Variants in XRRA1 observed in about 807,000 individuals in gnomAD.
The protein encoded by XRRA1 is X-ray radiation resistance-associated protein 1.
Under a neutral mutation model 80.2 loss-of-function variants are expected in XRRA1, and 69 were observed. That is an observed-to-expected ratio of 0.86 (90% CI 0.71 to 1.05). The LOEUF (loss-of-function observed/expected upper bound fraction) is 1.05, where lower values mean the gene tolerates loss of function less well. Among genes scored for constraint, XRRA1 ranks in the 50% least tolerant of loss-of-function variants. The probability of loss-of-function intolerance (pLI) is 0.00; values close to 1 mark genes in which losing one functional copy is unlikely to be tolerated. For synonymous variants in XRRA1, 348 were observed against 389.9 expected, an observed-to-expected ratio of 0.89 and a Z score of 1.27; for missense variants, 967 against 976.4, an observed-to-expected ratio of 0.99 and a Z score of 0.13.
At chr11:74,927,360 G>T in intron 7 of XRRA1, 31 bp downstream of exon 7, 1 of 1,325,764 alleles carries the variant, frequency 7.5e-7, no homozygotes, top group South Asian at 1.2e-5. Context: ...GGAACTTGGT[G>T]GGCACCAAAA....
At chr11:74,862,592 A>G (rs2042539276) in intron 11 of XRRA1, among the ~76,000 whole-genome samples, 1 of 152,218 alleles carries the variant, frequency 6.6e-6, no homozygotes, top group Non-Finnish European at 1.5e-5. Context: ...TCTGGCAAGG[A>G]CTTTTCCAGC....
At chr11:74,946,440 A>AT (rs1947541530) in intron 1 of XRRA1, among the ~76,000 whole-genome samples, 1 of 152,124 alleles carries the variant, frequency 6.6e-6, no homozygotes, top group Non-Finnish European at 1.5e-5. Flanking sequence ...ATGGTTTTAT[A>AT]ACTGACAGTT....
chr11:74,847,257 G>C (rs1490248116), intron 15 of XRRA1, among the ~76,000 whole-genome samples: 1 of 152,150 alleles, frequency 6.6e-6, no homozygotes, highest in Non-Finnish European at 1.5e-5. Context: ...TGGAGAGTTA[G>C]ACCTCCATGA....
At chr11:74,906,554 G>T in intron 9 of XRRA1, 98 bp from the exon 10 acceptor site, 4 of 1,346,938 alleles carry the variant, frequency 3.0e-6, no homozygotes, top group Non-Finnish European at 4.0e-6. Context: ...ATCAGGCTTG[G>T]ATACTTATTC....
At position 74,865,149 on chromosome 11, in the gene XRRA1, GGGCCCAGTGTCAGCCCT is replaced by G. The variant is rs1327987807; in HGVS notation, c.1004-2145_1004-2129del. ...CTTCTTCCCATATCAAATCCCAGCG[GGGCCCAGTGTCAGCCCT>G]GGCCCCTCCTGCTGCAATCAGGTTA... is the stretch of plus-strand genomic sequence containing the variant. On this transcript the variant is annotated intron_variant, in intron 10 of 18. Coordinates refer to ENST00000684022, the MANE Select transcript of XRRA1 (RefSeq NM_001378157.1). Among the ~76,000 whole-genome samples the G allele has an allele frequency of 2.6e-5, 4 of 151,938 alleles. 1 individual carries two copies. The highest frequency in any genetic ancestry group is 3.4e-3 in the Middle Eastern group (1 of 294).
intron 8 of XRRA1, among the ~76,000 whole-genome samples, chr11:74,907,813 C>G (rs912707901): frequency 6.6e-6 from 1 of 152,156 alleles, no homozygotes; most frequent in Non-Finnish European, 1.5e-5. Flanking sequence ...ATAAAATGAA[C>G]ACATGAGTAA....
intron 14 of XRRA1, among the ~76,000 whole-genome samples, chr11:74,849,568 G>A (rs12271611): frequency 0.012 from 1,762 of 152,230 alleles, 48 homozygotes; most frequent in African/African-American, 0.04. Context: ...CTTGGCAGCT[G>A]GCGGGAAGGG....
At chr11:74,869,991 G>C (rs2044390744) in intron 10 of XRRA1, among the ~76,000 whole-genome samples, 1 of 152,190 alleles carries the variant, frequency 6.6e-6, no homozygotes, top group Non-Finnish European at 1.5e-5. Context: ...TTCATTGTGG[G>C]GCCCATCTGG....
intron 7 of XRRA1, among the ~76,000 whole-genome samples, chr11:74,924,330 C>T (rs1339978627): frequency 7.3e-5 from 11 of 151,142 alleles, no homozygotes; most frequent in East Asian, 3.9e-4. Context: ...AAAAATTAGC[C>T]GGGCATGGTG....
intron 16 of XRRA1, 35 bp downstream of exon 16, chr11:74,845,038 C>T (rs756158192): frequency 6.2e-7 from 1 of 1,604,196 alleles, no homozygotes; most frequent in Non-Finnish European, 8.5e-7. Context: ...TGGAGATGGC[C>T]TCTTGCCCTA....
At position 74,843,877 on chromosome 11, in the gene XRRA1, C is replaced by T. The variant is rs113420599; in HGVS notation, c.2126G>A (p.Arg709Gln). The T allele has an allele frequency of 5.4e-5, 87 of 1,611,654 alleles. No individual in the cohort carries two copies. The highest frequency in any genetic ancestry group is 1.6e-4 in the East Asian group (7 of 44,812). The change falls in exon 18 of 19, where the codon CGG (arginine) becomes CAG (glutamine). Residue 709 changes from arginine (R) to glutamine (Q), a missense_variant. Arg to Gln is a conservative substitution (Grantham distance 43). Coordinates refer to ENST00000684022, the MANE Select transcript of XRRA1 (RefSeq NM_001378157.1). ...DDIFIRLRDP[R>Q]NITEAPLGAV... ...ACCTAGTGGAGCCTCTGTAATGTTC[C>T]GGGGATCCCGCAAGCGAATGAAGAT...
intron 5 of XRRA1, among the ~76,000 whole-genome samples, chr11:74,932,080 C>T (rs1426959340): frequency 6.6e-6 from 1 of 152,124 alleles, no homozygotes; most frequent in Non-Finnish European, 1.5e-5. Context: ...CTGGGTTTCT[C>T]TTTCTTCCTA....
chr11:74,945,816 A>G (rs1198608372), intron 1 of XRRA1, among the ~76,000 whole-genome samples: 1 of 152,060 alleles, frequency 6.6e-6, no homozygotes, highest in African/African-American at 2.4e-5. Flanking sequence ...ACACACACAC[A>G]CAGAGTAAGG....
chr11:74,894,787 C>T (rs60911800), intron 10 of XRRA1, among the ~76,000 whole-genome samples: 8,832 of 152,136 alleles, frequency 0.058, 870 homozygotes, highest in African/African-American at 0.2. Flanking sequence ...ATTAAAAAAT[C>T]AAGATTTTCT....
intron 10 of XRRA1, among the ~76,000 whole-genome samples, chr11:74,892,020 C>T (rs930200134): frequency 2.0e-5 from 3 of 152,168 alleles, no homozygotes; most frequent in Non-Finnish European, 4.4e-5. Flanking sequence ...CATCAAGCTA[C>T]CAATGACTTT....
At chr11:74,862,768 G>A (rs1412162714) in intron 11 of XRRA1, among the ~76,000 whole-genome samples, 1 of 151,996 alleles carries the variant, frequency 6.6e-6, no homozygotes, top group Non-Finnish European at 1.5e-5. Flanking sequence ...GGCCAGCACA[G>A]GACCTGGTAC....
In XRRA1 at chr11:74,943,524, G is replaced by GGGGTGTGTGT. The variant is rs1330173160; in HGVS notation, c.-5+1493_-5+1494insACACACACCC. 7.0e-3 allele frequency among the ~76,000 whole-genome samples: 970 copies of GGGGTGTGTGT among 137,854 alleles called. 15 individuals are homozygous for GGGGTGTGTGT. Among genetic ancestry groups the GGGGTGTGTGT allele is most frequent in the African/African-American group, 0.025 (921 of 37,372 alleles). The allele number at this position is 137,854 out of a possible 152,430, so 90.4% of individuals were successfully genotyped here. A position where few individuals can be genotyped will look rare whatever the true frequency, so the allele number is the denominator to read the frequency against. Reference sequence around the variant, plus strand: ...GGAGGCGAGGGGAAGAGAGTAGGAGGGTGTGTGTGTGTGTGTGTGTGTGTG... The same window carrying GGGGTGTGTGT: ...GGAGGCGAGGGGAAGAGAGTAGGAGGGGGTGTGTGTGTGTGTGTGTGTGTGTGTGTGTGTG... On this transcript the variant is annotated intron_variant, in intron 2 of 18. Transcript: ENST00000684022.
chr11:74,930,044 A>G (rs560477216), intron 6 of XRRA1, among the ~76,000 whole-genome samples: 22 of 152,326 alleles, frequency 1.4e-4, no homozygotes, highest in African/African-American at 4.8e-4. Context: ...GTATCCTGCA[A>G]GGGGAGGAAA....
intron 10 of XRRA1, among the ~76,000 whole-genome samples, chr11:74,897,127 A>C (rs539587446): frequency 6.6e-6 from 1 of 152,070 alleles, no homozygotes; most frequent in Non-Finnish European, 1.5e-5. Context: ...TCAAGATAAC[A>C]CAAAGAAGGA....
Sources: allele counts gnomAD v4.1 joint callset (sites outside exome capture counted in the v4.1 genomes callset), GRCh38; gene constraint gnomAD v4.1.1; transcripts MANE v1.5; gene names NCBI Gene and HGNC (gene_info 2026-07-23, HGNC 2026-07-21).